The following TBC1D22A variants were observed in gnomAD, a reference collection of about 807,000 sequenced individuals.
TBC1D22A encodes the protein TBC1 domain family member 22A.
A neutral mutation model predicts 60.2 loss-of-function variants in TBC1D22A; 38 were observed. The ratio of observed to expected loss-of-function variants is 0.63; its 90% CI spans 0.49 to 0.83. The LOEUF (loss-of-function observed/expected upper bound fraction) is 0.83, where lower values mean the gene tolerates loss of function less well. Among genes scored for constraint, TBC1D22A ranks in the 40% least tolerant of loss-of-function variants. The pLI is 0.00. For missense variants in TBC1D22A, 628 were observed against 701.0 expected, an observed-to-expected ratio of 0.90 and a Z score of 1.18; for synonymous variants, 302 against 281.7, an observed-to-expected ratio of 1.07 and a Z score of -0.72.
intron 9 of TBC1D22A, among the ~76,000 whole-genome samples, chr22:46,984,517 C>G (rs950589472): frequency 4.6e-5 from 7 of 151,348 alleles, no homozygotes; most frequent in Non-Finnish European, 1.0e-4. Flanking sequence ...TGTCGGTTCG[C>G]TATTACTTCT....
At chr22:46,982,386 G>A (rs1031379029) in intron 9 of TBC1D22A, among the ~76,000 whole-genome samples, 1 of 152,064 alleles carries the variant, frequency 6.6e-6, no homozygotes, top group Non-Finnish European at 1.5e-5. Flanking sequence ...TCCACGCCCG[G>A]CTAATTTTTA....
chr22:46,980,527 C>T (rs539187314), intron 9 of TBC1D22A, among the ~76,000 whole-genome samples: 45 of 152,116 alleles, frequency 3.0e-4, no homozygotes, highest in African/African-American at 9.9e-4. Flanking sequence ...CTTCTAGCAT[C>T]GAAATTAGAG....
chr22:46,771,657 C>T (rs986075517), intron 1 of TBC1D22A, among the ~76,000 whole-genome samples: 5 of 151,152 alleles, frequency 3.3e-5, no homozygotes, highest in Non-Finnish European at 4.4e-5. Flanking sequence ...TGGAGTGGCG[C>T]GATCTCAGCT....
At chr22:47,131,701 C>T (rs1569464479) in intron 12 of TBC1D22A, among the ~76,000 whole-genome samples, 1 of 152,228 alleles carries the variant, frequency 6.6e-6, no homozygotes, top group East Asian at 1.9e-4. Flanking sequence ...GGTCATCTTG[C>T]CTCACTCTGC....
intron 9 of TBC1D22A, among the ~76,000 whole-genome samples, chr22:46,980,682 A>C: frequency 2.3e-5 from 1 of 44,200 alleles, no homozygotes; most frequent in East Asian, 6.3e-4. Context: ...AGAATTTAAA[A>C]AATAGAACTA....
At chr22:47,135,053 T>C (rs945873757) in intron 12 of TBC1D22A, among the ~76,000 whole-genome samples, 2 of 152,168 alleles carry the variant, frequency 1.3e-5, no homozygotes, top group Non-Finnish European at 2.9e-5. Context: ...GTGGCCAGAC[T>C]CAGACCCCCG....
At chr22:47,025,852 A>G (rs565304804) in intron 10 of TBC1D22A, among the ~76,000 whole-genome samples, 7 of 152,316 alleles carry the variant, frequency 4.6e-5, no homozygotes, top group African/African-American at 1.7e-4. Context: ...GGAATTGGAT[A>G]GTACCGAGTG....
intron 8 of TBC1D22A, among the ~76,000 whole-genome samples, chr22:46,966,789 C>A (rs1039417610): frequency 6.6e-6 from 1 of 152,218 alleles, no homozygotes; most frequent in African/African-American, 2.4e-5. Context: ...AGGCCAGCTG[C>A]TTCACAGACA....
intron 4 of TBC1D22A, among the ~76,000 whole-genome samples, chr22:46,819,852 G>A (rs1469810173): frequency 1.3e-5 from 2 of 152,198 alleles, no homozygotes; most frequent in African/African-American, 4.8e-5. Flanking sequence ...ATTCAACTGT[G>A]AATTTGTCTG....
At chr22:46,789,137 T>TC (rs1010686267) in intron 1 of TBC1D22A, 3 of 152,486 alleles carry the variant, frequency 2.0e-5, no homozygotes, top group Non-Finnish European at 4.4e-5. Context: ...TTCTTTTTTT[T>TC]TTTTTTTTGA....
intron 7 of TBC1D22A, among the ~76,000 whole-genome samples, chr22:46,908,416 G>A (rs1245760895): frequency 2.0e-5 from 3 of 152,100 alleles, no homozygotes; most frequent in Non-Finnish European, 4.4e-5. Context: ...ACGCCTCCAC[G>A]GGACACCCAC....
chr22:46,950,203 A>G (rs1420684121), intron 8 of TBC1D22A, among the ~76,000 whole-genome samples: 1 of 152,108 alleles, frequency 6.6e-6, no homozygotes, highest in Admixed American at 6.5e-5. Context: ...AGCTGATGAA[A>G]GGGTTTGCTT....
intron 11 of TBC1D22A, among the ~76,000 whole-genome samples, chr22:47,083,610 A>G (rs553432706): frequency 1.3e-5 from 2 of 152,330 alleles, no homozygotes; most frequent in East Asian, 3.9e-4. Flanking sequence ...GCCCAGCCCC[A>G]GGGGAGGCTC....
intron 4 of TBC1D22A, among the ~76,000 whole-genome samples, chr22:46,863,638 A>G (rs1054706904): frequency 6.6e-6 from 1 of 152,210 alleles, no homozygotes; most frequent in African/African-American, 2.4e-5. Flanking sequence ...TTAGAGCCCC[A>G]TAATAGGGTT....
intron 8 of TBC1D22A, among the ~76,000 whole-genome samples, chr22:46,956,889 G>T (rs1056098251): frequency 3.9e-5 from 6 of 152,204 alleles, no homozygotes; most frequent in Admixed American, 3.9e-4. Flanking sequence ...TTTTTGTGTT[G>T]CTGGTTAGGC....
chr22:46,889,731 G>C (rs1007385881), intron 5 of TBC1D22A, among the ~76,000 whole-genome samples: 1 of 152,216 alleles, frequency 6.6e-6, no homozygotes. Context: ...TGAAGGAAAA[G>C]CTTGCACGAT....
At chr22:47,123,135 C>T (rs1162072080) in intron 12 of TBC1D22A, among the ~76,000 whole-genome samples, 2 of 152,182 alleles carry the variant, frequency 1.3e-5, no homozygotes, top group Non-Finnish European at 2.9e-5. Flanking sequence ...TCTGCCAAGA[C>T]TTTGGGGCAG....
intron 10 of TBC1D22A, among the ~76,000 whole-genome samples, chr22:47,001,904 G>A (rs940972436): frequency 1.3e-5 from 2 of 152,162 alleles, no homozygotes; most frequent in African/African-American, 2.4e-5. Context: ...ACAAAAAATA[G>A]AATTAGGATG....
chr22:46,915,521 CG>C (rs1569216753), intron 8 of TBC1D22A: 1 of 456,682 alleles, frequency 2.2e-6, no homozygotes, highest in South Asian at 1.5e-5. Context: ...GGCACTAGCC[CG>C]GGTGTGGCTA....
Sources: allele counts gnomAD v4.1 joint callset (sites outside exome capture counted in the v4.1 genomes callset), GRCh38; gene constraint gnomAD v4.1.1; transcripts MANE v1.5; gene names NCBI Gene and HGNC (gene_info 2026-07-23, HGNC 2026-07-21).